The following PKNOX2 variants were observed in gnomAD, a reference collection of about 807,000 sequenced individuals.
The protein encoded by PKNOX2 is PBX/knotted 1 homeobox 2, also known as homeobox protein PKNOX2.
PKNOX2 carries 14 observed loss-of-function variants against 53.1 expected under a neutral mutation model. That is an observed-to-expected ratio of 0.26 (90% CI 0.17 to 0.41). The LOEUF (loss-of-function observed/expected upper bound fraction) is 0.41, where lower values mean the gene tolerates loss of function less well. Among genes scored for constraint, PKNOX2 ranks in the 10% least tolerant of loss-of-function variants. The probability of loss-of-function intolerance (pLI) is 1.00; values close to 1 mark genes in which losing one functional copy is unlikely to be tolerated. For missense variants in PKNOX2, 496 were observed against 602.8 expected (o/e 0.82, Z 1.85); for synonymous variants, 257 against 242.8 (o/e 1.06, Z -0.54).
At chr11:125,262,140 G>A (rs1002716532) in intron 2 of PKNOX2, among the ~76,000 whole-genome samples, 7 of 152,200 alleles carry the variant, frequency 4.6e-5, no homozygotes, top group African/African-American at 1.7e-4. Context: ...CTCACAAGAC[G>A]CCTTTGGTGT....
Position 125,389,930 on chromosome 11 carries a change from T to C in PKNOX2, c.399+4208T>C, listed in dbSNP as rs1389665112. Among the ~76,000 whole-genome samples the C allele has an allele frequency of 4.6e-5, 7 of 152,278 alleles. No homozygotes were observed. In the East Asian group the frequency reaches 1.4e-3, roughly 29 times the overall value. On this transcript the variant is annotated intron_variant, in intron 6 of 12. Transcript: ENST00000298282. ...GACCCCCAGGCCCCTGGGCCCACTC[T>C]GAAGAGGCAGGGCCAGAGGCGGAGG...
intron 2 of PKNOX2, among the ~76,000 whole-genome samples, chr11:125,319,224 T>C (rs1949379150): frequency 6.6e-6 from 1 of 152,244 alleles, no homozygotes; most frequent in South Asian, 2.1e-4. Flanking sequence ...ACATGACATT[T>C]ATTGATTAAG....
intron 2 of PKNOX2, among the ~76,000 whole-genome samples, chr11:125,323,013 G>A (rs1473410928): frequency 6.6e-6 from 1 of 152,204 alleles, no homozygotes; most frequent in Non-Finnish European, 1.5e-5. Flanking sequence ...AGAGCAAGGA[G>A]TCCCCTGATG....
intron 2 of PKNOX2, among the ~76,000 whole-genome samples, chr11:125,256,237 A>G (rs1944393370): frequency 6.6e-6 from 1 of 152,008 alleles, no homozygotes. Flanking sequence ...CCCAAGACAC[A>G]GTTTCCAAGG....
intron 1 of PKNOX2, among the ~76,000 whole-genome samples, chr11:125,200,062 A>G (rs1181235600): frequency 6.6e-6 from 1 of 152,170 alleles, no homozygotes; most frequent in Non-Finnish European, 1.5e-5. Flanking sequence ...CAGTGACACC[A>G]GTGGCCTCTT....
chr11:125,337,097 C>T (rs1452237826), intron 3 of PKNOX2, among the ~76,000 whole-genome samples: 1 of 152,032 alleles, frequency 6.6e-6, no homozygotes, highest in African/African-American at 2.4e-5. Context: ...TGTTACATTG[C>T]TGTAGTTTAC....
intron 2 of PKNOX2, among the ~76,000 whole-genome samples, chr11:125,258,085 C>T (rs764930690): frequency 6.6e-6 from 1 of 152,130 alleles, no homozygotes; most frequent in South Asian, 2.1e-4. Flanking sequence ...GCCTTATTGT[C>T]AGGTCCCAAC....
intron 2 of PKNOX2, among the ~76,000 whole-genome samples, chr11:125,254,530 C>T (rs1294491659): frequency 2.6e-5 from 4 of 152,244 alleles, no homozygotes; most frequent in Non-Finnish European, 5.9e-5. Context: ...CCATTCTGAG[C>T]CTCAGTTTCA....
At chr11:125,174,748 G>C (rs1955578810) in intron 1 of PKNOX2, among the ~76,000 whole-genome samples, 1 of 152,152 alleles carries the variant, frequency 6.6e-6, no homozygotes, top group South Asian at 2.1e-4. Flanking sequence ...GAGGGTCAGG[G>C]GGACAGAAAT....
chr11:125,377,027 G>A (rs894177197), intron 5 of PKNOX2, among the ~76,000 whole-genome samples: 8 of 152,232 alleles, frequency 5.3e-5, no homozygotes, highest in African/African-American at 1.9e-4. Context: ...AAATGAGTCA[G>A]TGGAGATGGG....
At chr11:125,262,284 G>A (rs1192079516) in intron 2 of PKNOX2, among the ~76,000 whole-genome samples, 1 of 152,174 alleles carries the variant, frequency 6.6e-6, no homozygotes, top group Non-Finnish European at 1.5e-5. Context: ...ACTCTGGAGA[G>A]GTGGGGACGA....
intron 2 of PKNOX2, among the ~76,000 whole-genome samples, chr11:125,306,621 A>G (rs1948480220): frequency 6.6e-6 from 1 of 152,220 alleles, no homozygotes; most frequent in South Asian, 2.1e-4. Context: ...TCCCAGCTAT[A>G]ATTCAGCTGT....
At chr11:125,175,760 A>G (rs561350996) in intron 1 of PKNOX2, among the ~76,000 whole-genome samples, 2 of 152,294 alleles carry the variant, frequency 1.3e-5, no homozygotes, top group Admixed American at 6.5e-5. Context: ...AGCTGGCCTC[A>G]CTTTCCCCAT....
intron 2 of PKNOX2, among the ~76,000 whole-genome samples, chr11:125,263,278 C>T (rs995849773): frequency 1.3e-5 from 2 of 152,264 alleles, no homozygotes; most frequent in Non-Finnish European, 2.9e-5. Context: ...ACCCCACCCC[C>T]ATCCTGCCAG....
In PKNOX2 at chr11:125,410,870, C is replaced by T. The variant is rs752351988; in HGVS notation, c.810C>T (p.Asn270=). ...CCCAGGGAGCCATCCAGATCCAGAACACACAGGTGAGTGTGTGTAGGTGTG... is the reference window on the plus strand; with the variant it reads ...CCCAGGGAGCCATCCAGATCCAGAATACACAGGTGAGTGTGTGTAGGTGTG... ...AIPQGAIQIQ[N]TQVNLDLTSL... Residue 270 remains asparagine (N), a synonymous_variant, in exon 9 of 13, where the codon AAC becomes AAT. Coordinates refer to ENST00000298282, the MANE Select transcript of PKNOX2 (RefSeq NM_001382323.2). The T allele has an allele frequency of 6.2e-7, 1 of 1,613,514 alleles. No individual in the cohort carries two copies. Among genetic ancestry groups the T allele is most frequent in the East Asian group, 2.2e-5 (1 of 44,870 alleles).
At chr11:125,213,674 T>C (rs1430632597) in intron 1 of PKNOX2, among the ~76,000 whole-genome samples, 2 of 152,094 alleles carry the variant, frequency 1.3e-5, no homozygotes, top group Admixed American at 6.5e-5. Context: ...CCCAGGCTGG[T>C]CTTGAACTCT....
chr11:125,410,960 C>T (rs1269678101), intron 9 of PKNOX2, 84 bp downstream of exon 9: 21 of 1,108,906 alleles, frequency 1.9e-5, no homozygotes, highest in East Asian at 1.5e-4. Flanking sequence ...GCACTTTACA[C>T]GGGTGACTCA....
intron 2 of PKNOX2, among the ~76,000 whole-genome samples, chr11:125,280,409 C>A (rs530088063): frequency 6.6e-6 from 1 of 152,164 alleles, no homozygotes; most frequent in East Asian, 1.9e-4. Context: ...GATGGGAGCC[C>A]TGGTCATCTG....
At position 125,165,738 on chromosome 11, in the gene PKNOX2, C is replaced by G. The variant is rs935072795; in HGVS notation, c.-201+962C>G. 4.6e-5 allele frequency among the ~76,000 whole-genome samples: 7 copies of G among 152,202 alleles called. No individual in the cohort carries two copies. The highest frequency in any genetic ancestry group is 1.7e-4 in the African/African-American group (7 of 41,544). On this transcript the variant is annotated intron_variant, in intron 1 of 12. Coordinates refer to ENST00000298282, the MANE Select transcript of PKNOX2 (RefSeq NM_001382323.2). The surrounding 1 kb of genome is among the most constrained non-coding windows in gnomAD (Gnocchi z 4.5). Reference sequence around the variant, plus strand: ...TTGGTGAGGCGGGCGTAGGGGCCCGCGCGAGGCTTGGGAATCGGGAGCCCT... The same window carrying G: ...TTGGTGAGGCGGGCGTAGGGGCCCGGGCGAGGCTTGGGAATCGGGAGCCCT...
Sources: gnomAD v4.1 joint callset for allele counts (sites outside exome capture counted in the v4.1 genomes callset) on GRCh38, gnomAD v4.1.1 for gene constraint, Gnocchi (gnomAD v3.1) non-coding constraint, MANE v1.5 for transcripts, NCBI Gene and HGNC (gene_info 2026-07-23, HGNC 2026-07-21) for gene names.